The following CNTNAP4 variants were observed in gnomAD, a reference collection of about 807,000 sequenced individuals.
The protein encoded by CNTNAP4 is contactin-associated protein-like 4.
Under a neutral mutation model 148.4 loss-of-function variants are expected in CNTNAP4, and 98 were observed. The ratio of observed to expected loss-of-function variants is 0.66; its 90% CI spans 0.56 to 0.78. CNTNAP4 has a LOEUF of 0.78. Among genes scored for constraint, CNTNAP4 ranks in the 30% least tolerant of loss-of-function variants. The pLI is 0.00. For missense variants in CNTNAP4, 1,935 were observed against 1,565.6 expected, an observed-to-expected ratio of 1.24 and a Z score of -3.98; for synonymous variants, 730 against 565.1, an observed-to-expected ratio of 1.29 and a Z score of -4.14.
At chr16:76,454,608 T>C (rs2080651053) in intron 8 of CNTNAP4, among the ~76,000 whole-genome samples, 1 of 152,162 alleles carries the variant, frequency 6.6e-6, no homozygotes. Flanking sequence ...TCTTTCACAA[T>C]ATTATTTTTT....
At chr16:76,468,527 G>A (rs561408931) in intron 10 of CNTNAP4, among the ~76,000 whole-genome samples, 103 of 151,982 alleles carry the variant, frequency 6.8e-4, no homozygotes, top group African/African-American at 2.0e-3. Context: ...TGGCTCTGTC[G>A]CCCAAGCTAG....
At chr16:76,377,929 TTGTC>T (rs534984467) in intron 3 of CNTNAP4, among the ~76,000 whole-genome samples, 147 of 152,282 alleles carry the variant, frequency 9.7e-4, no homozygotes, top group African/African-American at 3.4e-3. Context: ...ATGCAAAGCT[TTGTC>T]TGTGCATTGT....
intron 4 of CNTNAP4, among the ~76,000 whole-genome samples, chr16:76,434,833 G>T (rs2079758572): frequency 6.6e-6 from 1 of 152,144 alleles, no homozygotes; most frequent in Admixed American, 6.5e-5. Context: ...AATGACCACA[G>T]GATGAGTCTG....
intron 15 of CNTNAP4, among the ~76,000 whole-genome samples, chr16:76,515,931 A>AT (rs1163790550): frequency 6.6e-6 from 1 of 151,516 alleles, no homozygotes; most frequent in Non-Finnish European, 1.5e-5. Context: ...CTTTTTGTTA[A>AT]TTTTCTATTT....
intron 15 of CNTNAP4, among the ~76,000 whole-genome samples, chr16:76,520,555 C>T (rs2083416148): frequency 6.6e-6 from 1 of 152,110 alleles, no homozygotes; most frequent in African/African-American, 2.4e-5. Context: ...ATAAAAAGAG[C>T]ATTTTCATGA....
chr16:76,464,606 A>G (rs889145505), intron 9 of CNTNAP4, among the ~76,000 whole-genome samples: 1 of 152,168 alleles, frequency 6.6e-6, no homozygotes, highest in South Asian at 2.1e-4. Flanking sequence ...ACGTCTCATC[A>G]GTTCTCCTTC....
chr16:76,290,129 G>A (rs1184240248), intron 1 of CNTNAP4, among the ~76,000 whole-genome samples: 2 of 152,088 alleles, frequency 1.3e-5, no homozygotes, highest in Admixed American at 6.6e-5. Flanking sequence ...TCTCACACAG[G>A]CCTGTGAGAC....
intron 10 of CNTNAP4, among the ~76,000 whole-genome samples, chr16:76,473,285 G>A (rs1007896891): frequency 1.3e-5 from 2 of 152,054 alleles, no homozygotes; most frequent in African/African-American, 4.8e-5. Context: ...TTATATTTAT[G>A]GATATACACA....
At chr16:76,286,701 C>G (rs1162931938) in intron 1 of CNTNAP4, among the ~76,000 whole-genome samples, 3 of 152,090 alleles carry the variant, frequency 2.0e-5, no homozygotes, top group African/African-American at 7.2e-5. Flanking sequence ...GCATGATAAA[C>G]AAAGTTGAAC....
chr16:76,479,261 T>TA (rs1223700505), intron 11 of CNTNAP4, among the ~76,000 whole-genome samples, 158 bp from the exon 12 acceptor site: 1 of 152,140 alleles, frequency 6.6e-6, no homozygotes, highest in African/African-American at 2.4e-5. Flanking sequence ...ATATTAATTT[T>TA]AAAAAAGAAT....
chr16:76,532,259 C>T (rs983478822), intron 17 of CNTNAP4, among the ~76,000 whole-genome samples: 9 of 152,126 alleles, frequency 5.9e-5, no homozygotes, highest in Admixed American at 2.0e-4. Flanking sequence ...GTGTGAAGTG[C>T]AAAGAAACTT....
chr16:76,472,595 T>C (rs2081415214), intron 10 of CNTNAP4, among the ~76,000 whole-genome samples: 2 of 152,226 alleles, frequency 1.3e-5, no homozygotes, highest in South Asian at 2.1e-4. Context: ...GTCATTCTTT[T>C]TTATGGCTGC....
chr16:76,464,813 T>C (rs1343943238), intron 9 of CNTNAP4, among the ~76,000 whole-genome samples: 1 of 152,212 alleles, frequency 6.6e-6, no homozygotes, highest in East Asian at 1.9e-4. Context: ...GTAGCTTTTT[T>C]TCCACCCTCA....
intron 3 of CNTNAP4, among the ~76,000 whole-genome samples, chr16:76,417,159 C>G (rs1331893748): frequency 6.6e-6 from 1 of 151,420 alleles, no homozygotes; most frequent in Non-Finnish European, 1.5e-5. Flanking sequence ...TCTATATACT[C>G]TGACAATCTC....
At chr16:76,488,693 C>G (rs16944468) in intron 12 of CNTNAP4, among the ~76,000 whole-genome samples, 2,624 of 152,252 alleles carry the variant, frequency 0.017, 68 homozygotes, top group African/African-American at 0.06. Flanking sequence ...ACAACTTTCA[C>G]TCTGTTTTCT....
chr16:76,510,828 C>A, intron 15 of CNTNAP4, among the ~76,000 whole-genome samples: 1 of 152,050 alleles, frequency 6.6e-6, no homozygotes. Context: ...GATAAATTTT[C>A]TTTCTCTCAG....
At chr16:76,519,186 T>TA (rs1384715898) in intron 15 of CNTNAP4, among the ~76,000 whole-genome samples, 1 of 152,196 alleles carries the variant, frequency 6.6e-6, no homozygotes, top group Non-Finnish European at 1.5e-5. Flanking sequence ...CTTACCTCAT[T>TA]TTCTACCTTT....
intron 14 of CNTNAP4, among the ~76,000 whole-genome samples, chr16:76,498,077 C>T (rs1336422157): frequency 4.6e-5 from 7 of 152,086 alleles, no homozygotes; most frequent in Non-Finnish European, 1.0e-4. Flanking sequence ...TACATATTTT[C>T]TACAAGAGAC....
intron 1 of CNTNAP4, among the ~76,000 whole-genome samples, chr16:76,280,478 C>T (rs973059142): frequency 6.6e-6 from 1 of 152,092 alleles, no homozygotes; most frequent in Non-Finnish European, 1.5e-5. Context: ...ATGTAGATAT[C>T]TGTAAACTAC....
Sources: gnomAD v4.1 joint callset for allele counts (sites outside exome capture counted in the v4.1 genomes callset) on GRCh38, gnomAD v4.1.1 for gene constraint, MANE v1.5 for transcripts, NCBI Gene and HGNC (gene_info 2026-07-23, HGNC 2026-07-21) for gene names.